The following HDAC9 variants were observed in gnomAD, a reference collection of about 807,000 sequenced individuals.
The protein encoded by HDAC9 is MEF-2 interacting transcription repressor (MITR) protein.
A neutral mutation model predicts 139.4 loss-of-function variants in HDAC9; 41 were observed. The observed-to-expected ratio is 0.29, with a 90% confidence interval of 0.23 to 0.38. The LOEUF is 0.38. HDAC9 is among the 10% of genes least tolerant of loss of function. The pLI is 1.00. For missense variants in HDAC9, 1,147 were observed against 1,297.0 expected, an observed-to-expected ratio of 0.88 and a Z score of 1.78; for synonymous variants, 517 against 476.2, an observed-to-expected ratio of 1.09 and a Z score of -1.12.
intron 17 of HDAC9, among the ~76,000 whole-genome samples, chr7:18,805,521 C>T (rs1793635962): frequency 2.0e-5 from 3 of 152,158 alleles, no homozygotes; most frequent in South Asian, 2.1e-4. Context: ...TTTCCCCCTG[C>T]GGGCCAGTGG....
intron 2 of HDAC9, among the ~76,000 whole-genome samples, chr7:18,557,339 GT>G (rs34667664): frequency 0.016 from 2,200 of 137,378 alleles, 46 homozygotes; most frequent in African/African-American, 0.05. Flanking sequence ...GCAATGATGA[GT>G]TTTTTTTTTT....
chr7:18,806,447 T>TAGGA (rs1793717683), intron 17 of HDAC9, among the ~76,000 whole-genome samples: 1 of 152,138 alleles, frequency 6.6e-6, no homozygotes, highest in Non-Finnish European at 1.5e-5. Context: ...CCTTAGCTCC[T>TAGGA]AGAGTACTCT....
chr7:18,467,004 A>G (rs959141283), intron 1 of HDAC9, among the ~76,000 whole-genome samples: 4 of 152,030 alleles, frequency 2.6e-5, no homozygotes, highest in South Asian at 2.1e-4. Flanking sequence ...TTATTTTTTC[A>G]AAGAGCTTCA....
chr7:18,783,644 A>G (rs951720432), intron 16 of HDAC9, among the ~76,000 whole-genome samples: 4 of 148,456 alleles, frequency 2.7e-5, no homozygotes, highest in Non-Finnish European at 5.9e-5. Context: ...GAATCAACTC[A>G]ACTAGTTCTG....
intron 2 of HDAC9, among the ~76,000 whole-genome samples, chr7:18,273,606 T>C (rs1388910465): frequency 6.6e-6 from 1 of 152,048 alleles, no homozygotes. Flanking sequence ...AAATTGGAAA[T>C]GGAAATTGGA....
chr7:18,689,259 G>A (rs10272517), intron 12 of HDAC9, among the ~76,000 whole-genome samples: 42,172 of 151,362 alleles, frequency 0.28, 7,675 homozygotes, highest in East Asian at 0.52. Context: ...CCCTCCCACC[G>A]TAGGATAAAT....
Position 18,223,112 on chromosome 7 carries a change from A to T in HDAC9, c.25+60763A>T, listed in dbSNP as rs1015042069. 3.3e-4 allele frequency among the ~76,000 whole-genome samples: 50 copies of T among 152,112 alleles called. 1 individual carries two copies. Among genetic ancestry groups the T allele is most frequent in the African/African-American group, 1.2e-3 (48 of 41,432 alleles). On this transcript the variant is annotated intron_variant, in intron 2 of 12. Transcript: ENST00000417496. ...TTAGTGTAGTTGAGAAGAATGTCAT[A>T]TGTTTGTGGGCCTTTATGTTTCTCT...
chr7:18,950,768 G>A (rs1242339252), intron 23 of HDAC9, among the ~76,000 whole-genome samples: 1 of 151,858 alleles, frequency 6.6e-6, no homozygotes, highest in East Asian at 1.9e-4. Context: ...GCTTGGTAAG[G>A]TTTTACCAAT....
At chr7:18,173,443 C>T (rs1354824437) in intron 2 of HDAC9, among the ~76,000 whole-genome samples, 2 of 152,092 alleles carry the variant, frequency 1.3e-5, no homozygotes, top group African/African-American at 4.8e-5. Context: ...GGGCATTTAG[C>T]CCATTTACAT....
intron 12 of HDAC9, chr7:18,667,118 G>A: frequency 1.0e-6 from 1 of 985,130 alleles, no homozygotes; most frequent in Non-Finnish European, 1.2e-6. Context: ...TAAATATATA[G>A]ATGCAAATTG....
intron 1 of HDAC9, among the ~76,000 whole-genome samples, chr7:18,108,025 C>G (rs768581874): frequency 1.8e-4 from 28 of 152,192 alleles, no homozygotes; most frequent in Admixed American, 7.2e-4. Flanking sequence ...TTGTATTAAG[C>G]AAGTTACTGA....
intron 12 of HDAC9, among the ~76,000 whole-genome samples, chr7:18,713,562 G>A (rs1266257529): frequency 6.6e-6 from 1 of 152,096 alleles, no homozygotes; most frequent in East Asian, 1.9e-4. Flanking sequence ...AAAGAATGGA[G>A]CCATCACAAC....
intron 2 of HDAC9, among the ~76,000 whole-genome samples, chr7:18,535,269 T>A (rs1352288779): frequency 1.3e-5 from 2 of 152,146 alleles, no homozygotes; most frequent in Non-Finnish European, 2.9e-5. Context: ...ATTTGGTCAA[T>A]CCATCATTTT....
intron 1 of HDAC9, among the ~76,000 whole-genome samples, chr7:18,439,374 C>CA (rs1791528370): frequency 6.6e-6 from 1 of 152,148 alleles, no homozygotes. Context: ...CTTTGAAATG[C>CA]TTAATATTGT....
chr7:18,895,957 C>T (rs1801158925), intron 22 of HDAC9, among the ~76,000 whole-genome samples: 1 of 152,064 alleles, frequency 6.6e-6, no homozygotes, highest in Admixed American at 6.6e-5. Context: ...ATTTTGTATT[C>T]CTTGACTATA....
chr7:18,417,051 C>G (rs1377054276), intron 1 of HDAC9, among the ~76,000 whole-genome samples: 1 of 152,040 alleles, frequency 6.6e-6, no homozygotes, highest in Non-Finnish European at 1.5e-5. Flanking sequence ...CATCCCTTGC[C>G]TTTGGTGACT....
chr7:18,420,816 A>T lies in HDAC9; in HGVS notation c.-41-75446A>T, dbSNP rs568230217. Among the ~76,000 whole-genome samples, 9 of 152,326 alleles carry T rather than the reference A, an allele frequency of 5.9e-5. No individual in the cohort carries two copies. In the East Asian group the frequency reaches 1.7e-3, roughly 29 times the overall value. ...CCCAGAAGAAAGTAAAACAAAATGA[A>T]GCAATTAAGTGTGCTTGGACACCTG... is the stretch of plus-strand genomic sequence containing the variant. On this transcript the variant is annotated intron_variant, in intron 1 of 3. Coordinates refer to the HDAC9 transcript ENST00000413509.
intron 1 of HDAC9, among the ~76,000 whole-genome samples, chr7:18,304,929 G>C (rs1798811703): frequency 7.2e-6 from 1 of 138,672 alleles, no homozygotes; most frequent in Non-Finnish European, 1.5e-5. Flanking sequence ...TCCCCAACTA[G>C]TGAATCCTTC....
chr7:18,873,559 TC>T (rs1437748715), intron 21 of HDAC9, among the ~76,000 whole-genome samples: 2 of 152,266 alleles, frequency 1.3e-5, no homozygotes, highest in East Asian at 3.9e-4. Flanking sequence ...AGTAATTATG[TC>T]ATTATTGAAG....
Sources: gnomAD v4.1 joint callset for allele counts (sites outside exome capture counted in the v4.1 genomes callset) on GRCh38, gnomAD v4.1.1 for gene constraint, MANE v1.5 for transcripts, NCBI Gene and HGNC (gene_info 2026-07-23, HGNC 2026-07-21) for gene names.